Variants in FNDC3A observed in about 807,000 individuals in gnomAD.
The protein encoded by FNDC3A is fibronectin type-III domain-containing protein 3A.
FNDC3A carries 32 observed loss-of-function variants against 148.9 expected under a neutral mutation model. The observed-to-expected ratio is 0.21, with a 90% confidence interval of 0.16 to 0.29. The LOEUF (loss-of-function observed/expected upper bound fraction) is 0.29. FNDC3A is among the 10% of genes least tolerant of loss of function. The pLI, the probability that FNDC3A is intolerant of heterozygous loss-of-function variation, is 1.00. For missense variants in FNDC3A, 1,191 were observed against 1,452.8 expected (o/e 0.82, Z 2.93); for synonymous variants, 472 against 473.6 (o/e 1.00, Z 0.04).
chr13:49,147,947 T>C (rs1883085022), intron 8 of FNDC3A, among the ~76,000 whole-genome samples: 1 of 152,166 alleles, frequency 6.6e-6, no homozygotes, highest in Non-Finnish European at 1.5e-5. Flanking sequence ...AATGATCTCA[T>C]TGTAATTTTG....
intron 2 of FNDC3A, among the ~76,000 whole-genome samples, chr13:49,028,445 G>A (rs1289218196): frequency 6.6e-6 from 1 of 151,920 alleles, no homozygotes; most frequent in Non-Finnish European, 1.5e-5. Context: ...CTCGCTTGTT[G>A]CCCAGGCTGG....
intron 20 of FNDC3A, among the ~76,000 whole-genome samples, 164 bp downstream of exon 20, chr13:49,197,154 T>C (rs1886195378): frequency 6.6e-6 from 1 of 152,242 alleles, no homozygotes. Flanking sequence ...TTGAAGAATT[T>C]GAGTAAGGTA....
intron 14 of FNDC3A, among the ~76,000 whole-genome samples, chr13:49,184,376 A>G (rs1433922384): frequency 1.3e-5 from 2 of 152,210 alleles, no homozygotes; most frequent in East Asian, 3.9e-4. Context: ...GAAACTAGCT[A>G]GTGGTATAAT....
intron 3 of FNDC3A, among the ~76,000 whole-genome samples, chr13:49,114,165 C>T (rs2137875700): frequency 1.3e-5 from 2 of 152,270 alleles, no homozygotes; most frequent in Middle Eastern, 6.8e-3. Context: ...TATTCTTCCT[C>T]TTGCTGCTTT....
chr13:49,061,789 TCTCCTCTCCTCTTCTCTCCTCTC>T (rs1876909553), intron 2 of FNDC3A, among the ~76,000 whole-genome samples: 1 of 22,674 alleles, frequency 4.4e-5, no homozygotes, highest in African/African-American at 1.9e-4. Flanking sequence ...CTCCTCTCCC[TCTCCTCTCCTCTTCTCTCCTCTC>T]CTCTCCTCTC....
intron 4 of FNDC3A, among the ~76,000 whole-genome samples, chr13:49,123,544 A>G (rs191553135): frequency 1.7e-3 from 260 of 152,232 alleles, no homozygotes; most frequent in African/African-American, 6.1e-3. Context: ...AAAAGAAACT[A>G]TAATCAAAGT....
chr13:49,181,076 A>G (rs1329965849), intron 14 of FNDC3A, among the ~76,000 whole-genome samples: 1 of 152,120 alleles, frequency 6.6e-6, no homozygotes, highest in Non-Finnish European at 1.5e-5. Context: ...GCAAGACCCC[A>G]TCTCTTAATA....
chr13:49,078,064 T>C (rs1468908599), intron 3 of FNDC3A, among the ~76,000 whole-genome samples: 2 of 152,246 alleles, frequency 1.3e-5, no homozygotes, highest in Non-Finnish European at 2.9e-5. Flanking sequence ...AAATACTGTT[T>C]ATGGTGGGTA....
intron 3 of FNDC3A, among the ~76,000 whole-genome samples, chr13:49,101,986 A>G (rs950632375): frequency 1.3e-5 from 2 of 151,946 alleles, no homozygotes; most frequent in Admixed American, 6.6e-5. Context: ...TAGTAAGAGC[A>G]TAAGACTAGC....
At chr13:49,184,199 G>A (rs2138086015) in intron 14 of FNDC3A, among the ~76,000 whole-genome samples, 1 of 152,346 alleles carries the variant, frequency 6.6e-6, no homozygotes, top group Non-Finnish European at 1.5e-5. Flanking sequence ...TCAAGAGGTA[G>A]TTAAGGATGA....
intron 1 of FNDC3A, chr13:48,976,468 T>A (rs1167890512): frequency 6.5e-6 from 1 of 153,116 alleles, no homozygotes; most frequent in Non-Finnish European, 1.5e-5. Context: ...GGGGGCGCCA[T>A]CCAGCCCAAG....
intron 3 of FNDC3A, among the ~76,000 whole-genome samples, chr13:49,085,285 C>A (rs1878731497): frequency 6.6e-6 from 1 of 152,230 alleles, no homozygotes; most frequent in Admixed American, 6.5e-5. Flanking sequence ...AATCACAACT[C>A]TGTTACCTCA....
At chr13:49,008,617 T>C (rs1566187151) in intron 2 of FNDC3A, among the ~76,000 whole-genome samples, 1 of 152,222 alleles carries the variant, frequency 6.6e-6, no homozygotes, top group Admixed American at 6.5e-5. Context: ...ATCTGTCTCC[T>C]CATTAATATT....
At chr13:49,170,362 G>A (rs1297379064) in intron 10 of FNDC3A, among the ~76,000 whole-genome samples, 1 of 152,138 alleles carries the variant, frequency 6.6e-6, no homozygotes, top group African/African-American at 2.4e-5. Flanking sequence ...AAGTAGTTTA[G>A]TGACTTGAAT....
intron 2 of FNDC3A, among the ~76,000 whole-genome samples, chr13:49,007,821 T>C (rs1388788804): frequency 6.6e-6 from 1 of 151,986 alleles, no homozygotes; most frequent in African/African-American, 2.4e-5. Context: ...GGTTTTTAGG[T>C]AGAGTTTAAA....
In FNDC3A at chr13:49,136,496, A is replaced by G; in HGVS notation, c.655A>G (p.Asn219Asp). 6.2e-7 allele frequency: 1 copy of G among 1,614,132 alleles called. No individual in the cohort carries two copies. Among genetic ancestry groups the G allele is most frequent in the Non-Finnish European group, 8.5e-7 (1 of 1,179,996 alleles). The stretch of plus-strand genomic sequence containing the variant: ...ATGCCCTTCTCCCATTAATGAACAT[A>G]ATGGACTTATAAAAGGACAAATTGC... ...QKCPSPINEH[N>D]GLIKGQIAGG... The change falls in exon 6 of 26, where the codon AAT becomes GAT. Residue 219 changes from asparagine to aspartate, a missense_variant. Coordinates refer to ENST00000492622, the MANE Select transcript of FNDC3A (RefSeq NM_001079673.2).
rs770856825 is a variant in FNDC3A, at chr13:49,186,115, G to C, written c.1756+13G>C. Reference sequence around the variant, plus strand: ...AAAATAACCTGGGGTAAGATATTATGCATGTTTATACATTATTACTTTTGC... The same window carrying C: ...AAAATAACCTGGGGTAAGATATTATCCATGTTTATACATTATTACTTTTGC... On this transcript the variant is annotated intron_variant, in intron 15 of 25. Coordinates refer to ENST00000492622, the MANE Select transcript of FNDC3A (RefSeq NM_001079673.2). The C allele has an allele frequency of 3.8e-6, 6 of 1,588,164 alleles. No homozygotes were observed. The highest frequency in any genetic ancestry group is 4.3e-6 in the Non-Finnish European group (5 of 1,159,592).
chr13:49,092,436 T>C (rs1356924426), intron 3 of FNDC3A, among the ~76,000 whole-genome samples: 1 of 152,188 alleles, frequency 6.6e-6, no homozygotes, highest in Admixed American at 6.5e-5. Context: ...TGCCTTCTTA[T>C]CTTCTAGCGG....
chr13:49,125,007 A>T (rs1312698178), intron 4 of FNDC3A, among the ~76,000 whole-genome samples: 7 of 152,126 alleles, frequency 4.6e-5, no homozygotes, highest in African/African-American at 1.7e-4. Context: ...CTGTTTTTTT[A>T]TAGAATGTGG....
Sources: gnomAD v4.1 joint callset for allele counts (sites outside exome capture counted in the v4.1 genomes callset) on GRCh38, gnomAD v4.1.1 for gene constraint, MANE v1.5 for transcripts, NCBI Gene and HGNC (gene_info 2026-07-23, HGNC 2026-07-21) for gene names.